Variants in SLIT2 observed in about 807,000 individuals in gnomAD.
The protein encoded by SLIT2 is slit homolog 2 protein.
Under a neutral mutation model 185.7 loss-of-function variants are expected in SLIT2, and 41 were observed. The observed-to-expected ratio is 0.22, with a 90% CI of 0.17 to 0.29. The LOEUF (loss-of-function observed/expected upper bound fraction) is 0.29, where lower values mean the gene tolerates loss of function less well. SLIT2 is among the 10% of genes least tolerant of loss of function. The pLI is 1.00. For missense variants in SLIT2, 1,571 were observed against 1,909.0 expected (o/e 0.82, Z 3.30); for synonymous variants, 693 against 680.2 (o/e 1.02, Z -0.29).
intron 4 of SLIT2, among the ~76,000 whole-genome samples, chr4:20,279,528 A>G (rs775998730): frequency 6.6e-6 from 1 of 152,140 alleles, no homozygotes; most frequent in Non-Finnish European, 1.5e-5. Flanking sequence ...TCTATGGTAC[A>G]TTATAATGTG....
intron 4 of SLIT2, among the ~76,000 whole-genome samples, chr4:20,405,195 T>TTATATA (rs149863258): frequency 1.7e-4 from 25 of 150,200 alleles, no homozygotes; most frequent in African/African-American, 5.8e-4. Context: ...ACACTGCCTA[T>TTATATA]TATATATATA....
intron 9 of SLIT2, among the ~76,000 whole-genome samples, chr4:20,505,555 G>T (rs1302711545): frequency 6.6e-6 from 1 of 152,016 alleles, no homozygotes; most frequent in Non-Finnish European, 1.5e-5. Flanking sequence ...TCTTGTAAAT[G>T]TCTTTAGAAC....
intron 4 of SLIT2, among the ~76,000 whole-genome samples, chr4:20,350,168 A>T (rs1481727204): frequency 1.3e-5 from 2 of 152,140 alleles, no homozygotes; most frequent in African/African-American, 4.8e-5. Flanking sequence ...TTAAAACGTA[A>T]CCATCTGTGG....
In SLIT2 at chr4:20,542,487, G is replaced by C. The variant is rs376904666; in HGVS notation, c.2144-7G>C. The C allele has an allele frequency of 1.9e-5, 30 of 1,612,800 alleles. No individual in the cohort carries two copies. The South Asian group carries it at 3.1e-4, about 17-fold the overall frequency. ...CTTGGTTTTCCTGTATTTCCTCTGC[G>C]ATTTAGGAAATGATGACAATAGTTG... On this transcript the variant is annotated splice_polypyrimidine_tract_variant and splice_region_variant and intron_variant, in intron 20 of 36. Transcript: ENST00000504154.
chr4:20,583,248 T>A (rs917733650), intron 29 of SLIT2, among the ~76,000 whole-genome samples: 1 of 152,180 alleles, frequency 6.6e-6, no homozygotes, highest in African/African-American at 2.4e-5. Flanking sequence ...CCATTATACT[T>A]CTAGCATTGG....
chr4:20,553,660 A>G (rs894478233), intron 25 of SLIT2, 145 bp from the exon 26 acceptor site: 1 of 754,814 alleles, frequency 1.3e-6, no homozygotes, highest in East Asian at 3.3e-5. Flanking sequence ...GTTATCCTCA[A>G]TAAATCTATG....
chr4:20,311,594 T>C (rs1169919436), intron 4 of SLIT2, among the ~76,000 whole-genome samples: 2 of 152,140 alleles, frequency 1.3e-5, no homozygotes, highest in Non-Finnish European at 1.5e-5. Context: ...AGTACTACTT[T>C]GGTTTAAAAG....
intron 29 of SLIT2, among the ~76,000 whole-genome samples, chr4:20,581,675 C>T (rs898858848): frequency 1.3e-5 from 2 of 152,082 alleles, no homozygotes. Flanking sequence ...CAAGTGGTCA[C>T]CTCTCATGTG....
intron 1 of SLIT2, chr4:20,255,064 C>T: frequency 2.2e-6 from 1 of 456,240 alleles, no homozygotes; most frequent in Non-Finnish European, 4.4e-6. Context: ...CGCGCCAGTC[C>T]GGCCGCCCTA....
At chr4:20,495,053 C>T (rs1718111317) in intron 9 of SLIT2, among the ~76,000 whole-genome samples, 1 of 152,022 alleles carries the variant, frequency 6.6e-6, no homozygotes, top group African/African-American at 2.4e-5. Flanking sequence ...AAGCTGGGGT[C>T]TGAGAGAAGG....
intron 1 of SLIT2, among the ~76,000 whole-genome samples, chr4:20,255,482 T>C (rs531502019): frequency 6.6e-5 from 10 of 152,294 alleles, no homozygotes; most frequent in African/African-American, 2.4e-4. Context: ...ATTCGTGTTA[T>C]ATCGAATAGC....
chr4:20,376,878 CG>C (rs1439443267), intron 4 of SLIT2, among the ~76,000 whole-genome samples: 2 of 147,748 alleles, frequency 1.4e-5, no homozygotes, highest in Admixed American at 6.8e-5. Flanking sequence ...TGTCGTGGAG[CG>C]GGGGTTGGGA....
At chr4:20,289,400 A>G (rs955278868) in intron 4 of SLIT2, among the ~76,000 whole-genome samples, 18 of 152,070 alleles carry the variant, frequency 1.2e-4, no homozygotes, top group African/African-American at 4.3e-4. Context: ...TGTTGTTGCC[A>G]TTGCTATTTT....
chr4:20,315,676 TA>T (rs931978996), intron 4 of SLIT2, among the ~76,000 whole-genome samples: 101 of 152,164 alleles, frequency 6.6e-4, no homozygotes, highest in African/African-American at 2.4e-3. Context: ...TTCAAGCTGT[TA>T]AAAATGTTCT....
At chr4:20,320,866 A>T (rs1462880843) in intron 4 of SLIT2, among the ~76,000 whole-genome samples, 3 of 152,162 alleles carry the variant, frequency 2.0e-5, no homozygotes, top group African/African-American at 7.2e-5. Flanking sequence ...CATCAAACAC[A>T]TAAAAGCTAA....
At chr4:20,555,828 G>T (rs1447049937) in intron 26 of SLIT2, among the ~76,000 whole-genome samples, 1 of 151,690 alleles carries the variant, frequency 6.6e-6, no homozygotes, top group Non-Finnish European at 1.5e-5. Context: ...AAAAAAACAA[G>T]ATCCCCCTTA....
intron 29 of SLIT2, among the ~76,000 whole-genome samples, chr4:20,581,029 T>A (rs1726517255): frequency 6.6e-6 from 1 of 152,226 alleles, no homozygotes; most frequent in South Asian, 2.1e-4. Flanking sequence ...TTCCAGTGAT[T>A]TGGAATTTAC....
intron 26 of SLIT2, chr4:20,554,331 C>T: frequency 2.2e-6 from 1 of 462,402 alleles, no homozygotes; most frequent in Non-Finnish European, 4.3e-6. Context: ...CTGTGGCTTC[C>T]TCATACCAGG....
At chr4:20,524,453 T>TTG (rs1721112423) in intron 14 of SLIT2, among the ~76,000 whole-genome samples, 1 of 152,234 alleles carries the variant, frequency 6.6e-6, no homozygotes, top group African/African-American at 2.4e-5. Flanking sequence ...AATTCAAACT[T>TTG]AACCAGAGCC....
Sources: allele counts gnomAD v4.1 joint callset (sites outside exome capture counted in the v4.1 genomes callset), GRCh38; gene constraint gnomAD v4.1.1; transcripts MANE v1.5; gene names NCBI Gene and HGNC (gene_info 2026-07-23, HGNC 2026-07-21).